NCOA7: variants seen among roughly 807,000 people sequenced by gnomAD.
NCOA7 encodes nuclear receptor coactivator 7.
NCOA7 carries 45 observed loss-of-function variants against 104.3 expected under a neutral mutation model. The ratio of observed to expected loss-of-function variants is 0.43; its 90% CI spans 0.34 to 0.55. The LOEUF is 0.55. Ranked by LOEUF, NCOA7 falls within the 20% of genes least tolerant of loss-of-function variation. NCOA7 has a pLI of 0.02. For synonymous variants in NCOA7, 398 were observed against 402.3 expected (o/e 0.99, Z 0.13); for missense variants, 1,041 against 1,119.7 (o/e 0.93, Z 1.00).
upstream of NCOA7, among the ~76,000 whole-genome samples, chr6:125,789,801 A>C (rs902288776): frequency 2.0e-5 from 3 of 152,222 alleles, no homozygotes; most frequent in Non-Finnish European, 4.4e-5. Flanking sequence ...CTGCGTCAAC[A>C]ACCCAGAGGA....
In NCOA7 at chr6:125,885,350, C is replaced by T. The variant is rs1562979684; in HGVS notation, c.884+7C>T. ...TCAAAGATGCCTTGCCATCGTAAGA[C>T]ATTTATTTGTTTACCAGGAAAAAAG... is the stretch of plus-strand genomic sequence containing the variant. On this transcript the variant is annotated splice_region_variant and intron_variant, in intron 8 of 15. Transcript: ENST00000392477. 6.2e-7 allele frequency: 1 copy of T among 1,611,306 alleles called. No homozygotes were observed. The highest frequency in any genetic ancestry group is 8.5e-7 in the Non-Finnish European group (1 of 1,177,896).
In NCOA7 at chr6:125,874,960, G is replaced by T; in HGVS notation, c.343G>T (p.Glu115Ter). ...GGTTCAGAAGCCCCATGGGACTATGGAATACACTGTGAGTATAACCAAGGT... is the reference window on the plus strand; with the variant it reads ...GGTTCAGAAGCCCCATGGGACTATGTAATACACTGTGAGTATAACCAAGGT... ...MVVQKPHGTM[E>*]YTAGNQDTLN... The change falls in exon 4 of 16, where the codon GAA (glutamate) becomes TAA (stop). Residue 115 changes from glutamate (E) to a stop codon, truncating the protein, a stop_gained. Coordinates refer to ENST00000392477, the MANE Select transcript of NCOA7 (RefSeq NM_181782.5). LOFTEE classifies it high-confidence loss of function. 1 of 1,611,816 alleles carries T rather than the reference G, an allele frequency of 6.2e-7. No individual in the cohort carries two copies. Among genetic ancestry groups the T allele is most frequent in the South Asian group, 1.1e-5 (1 of 91,028 alleles).
chr6:125,921,077 G>C lies in NCOA7; in HGVS notation c.2370+9G>C, dbSNP rs777465710. The C allele has an allele frequency of 1.9e-6, 3 of 1,610,684 alleles. No homozygotes were observed. The highest frequency in any genetic ancestry group is 1.7e-5 in the Admixed American group (1 of 59,902). Reference sequence around the variant, plus strand: ...ATATGCACATCGAGCAGGTGGGCTCGCCCTGGCCACCAAGGGTGGGGGTTC... The same window carrying C: ...ATATGCACATCGAGCAGGTGGGCTCCCCCTGGCCACCAAGGGTGGGGGTTC... On this transcript the variant is annotated intron_variant, in intron 12 of 15. Coordinates refer to ENST00000392477, the MANE Select transcript of NCOA7 (RefSeq NM_181782.5).
At position 125,921,027 on chromosome 6, in the gene NCOA7, C is replaced by T. The variant is rs141472152; in HGVS notation, c.2329C>T (p.Arg777Trp). The stretch of plus-strand genomic sequence containing the variant: ...GGACGAAGAGGTGCTGCCTGTCCTA[C>T]GGCCCCACAGCGCGCTCCTGGAGAA... ...DEDEEVLPVL[R>W]PHSALLENMH... is the part of the protein sequence containing the mutation. Residue 777 changes from arginine to tryptophan, a missense_variant, in exon 12 of 16, where the codon CGG becomes TGG. Physicochemically the swap from Arg to Trp is moderately radical, Grantham distance 101. Transcript: ENST00000392477. 1.4e-5 allele frequency: 23 copies of T among 1,613,636 alleles called. No individual in the cohort carries two copies. Among genetic ancestry groups the T allele is most frequent in the Non-Finnish European group, 1.8e-5 (21 of 1,179,800 alleles).
At chr6:125,784,641 T>A (rs1362311030) in intron 1 of NCOA7, among the ~76,000 whole-genome samples, 1 of 152,182 alleles carries the variant, frequency 6.6e-6, no homozygotes, top group Admixed American at 6.5e-5. Context: ...ACAATTGAAA[T>A]GCCCTTCAAT....
intron 4 of NCOA7, among the ~76,000 whole-genome samples, chr6:125,877,133 CTACATATAA>C (rs1783446369): frequency 6.6e-6 from 1 of 152,130 alleles, no homozygotes; most frequent in African/African-American, 2.4e-5. Flanking sequence ...ATTATACATA[CTACATATAA>C]TATATCCTAA....
intron 12 of NCOA7, 144 bp from the exon 13 acceptor site, chr6:125,922,538 T>C: frequency 1.1e-6 from 1 of 946,296 alleles, no homozygotes; most frequent in Non-Finnish European, 1.5e-6. Flanking sequence ...TGGTTTAGAA[T>C]AGCAAATATT....
At position 125,855,082 on chromosome 6, in the gene NCOA7, C is replaced by T. The variant is rs770909278; in HGVS notation, c.113C>T (p.Thr38Ile). 6.2e-7 allele frequency: 1 copy of T among 1,612,938 alleles called. No homozygotes were observed. Among genetic ancestry groups the T allele is most frequent in the Non-Finnish European group, 8.5e-7 (1 of 1,179,872 alleles). The change falls in exon 3 of 16, where the codon ACT becomes ATT. Residue 38 changes from threonine to isoleucine, a missense_variant. Thr to Ile is a moderately conservative substitution (Grantham distance 89). Transcript: ENST00000392477. ...ACAGCCTCAGCTGTAGCTACAAGGA[C>T]TCATACTGGGAAGGAAGATAATAAT... ...AETASAVATR[T>I]HTGKEDNNTV... is the part of the protein sequence containing the mutation.
At chr6:125,792,240 G>C (rs1322364368) in intron 1 of NCOA7, among the ~76,000 whole-genome samples, 2 of 152,236 alleles carry the variant, frequency 1.3e-5, no homozygotes, top group Non-Finnish European at 2.9e-5. Context: ...TTGCCTCTTT[G>C]TATAAATAGG....
In NCOA7 at chr6:125,889,910, A is replaced by G. The variant is rs1226003163; in HGVS notation, c.1856A>G (p.Gln619Arg). Residue 619 changes from glutamine (Q) to arginine (R), a missense_variant, in exon 9 of 16, where the codon CAA becomes CGA. Coordinates refer to ENST00000392477, the MANE Select transcript of NCOA7 (RefSeq NM_181782.5). ...GAATCTACTCTGGACAACAGCTGTC[A>G]AGGTGCACAAATGGATAATAAATCT... ...SLESTLDNSC[Q>R]GAQMDNKSEV... 2 of 1,594,774 alleles carry G rather than the reference A, an allele frequency of 1.3e-6. No individual in the cohort carries two copies. Among genetic ancestry groups the G allele is most frequent in the South Asian group, 2.3e-5 (2 of 87,164 alleles).
intron 5 of NCOA7, among the ~76,000 whole-genome samples, chr6:125,880,683 C>T (rs1485298715): frequency 1.3e-5 from 2 of 152,040 alleles, no homozygotes; most frequent in African/African-American, 2.4e-5. Context: ...TGCGAGCCAC[C>T]ATGCCCAGCT....
At chr6:125,878,060 G>A (rs2128643717) in intron 4 of NCOA7, among the ~76,000 whole-genome samples, 1 of 152,272 alleles carries the variant, frequency 6.6e-6, no homozygotes, top group South Asian at 2.1e-4. Context: ...TGAAAATGAG[G>A]AAGCCCAGAA....
intron 1 of NCOA7, among the ~76,000 whole-genome samples, chr6:125,791,695 A>G (rs982183256): frequency 2.0e-5 from 3 of 152,134 alleles, no homozygotes; most frequent in Admixed American, 2.0e-4. Flanking sequence ...GCTTACGTGA[A>G]GGGATGTGTT....
chr6:125,872,943 G>A (rs1486156836), intron 3 of NCOA7, among the ~76,000 whole-genome samples: 2 of 152,058 alleles, frequency 1.3e-5, no homozygotes, highest in Admixed American at 6.6e-5. Context: ...TTGAAGATAC[G>A]GATGACTAGA....
chr6:125,784,120 G>A (rs746291682), intron 1 of NCOA7, among the ~76,000 whole-genome samples: 7 of 152,156 alleles, frequency 4.6e-5, no homozygotes, highest in Non-Finnish European at 7.4e-5. Context: ...AAAAATCATG[G>A]CATCCAATTC....
chr6:125,836,132 G>A (rs540015113), intron 2 of NCOA7, among the ~76,000 whole-genome samples: 1 of 152,264 alleles, frequency 6.6e-6, no homozygotes, highest in Non-Finnish European at 1.5e-5. Flanking sequence ...TATTGTGACA[G>A]CTTTATGTAG....
At chr6:125,812,144 G>A (rs188343208) in intron 1 of NCOA7, among the ~76,000 whole-genome samples, 5 of 152,278 alleles carry the variant, frequency 3.3e-5, no homozygotes, top group East Asian at 3.9e-4. Flanking sequence ...TGGTAGGCAG[G>A]CATCAAGATT....
chr6:125,931,434 C>T lies in NCOA7; in HGVS notation c.*2663C>T, dbSNP rs990326467. 4 of 152,200 alleles carry T rather than the reference C, an allele frequency of 2.6e-5. No homozygotes were observed. The highest frequency in any genetic ancestry group is 9.7e-5 in the African/African-American group (4 of 41,446). 9.4% of individuals were successfully genotyped at this position (152,200 alleles called of 1,614,324 possible). On this transcript the variant is annotated 3_prime_UTR_variant, in exon 16 of 16. Coordinates refer to ENST00000392477, the MANE Select transcript of NCOA7 (RefSeq NM_181782.5). ...TACTTCATAATTTCCGTAAGGGACA[C>T]TTTACTCTCTGATAAATTTTCTTTG...
At chr6:125,808,931 C>G (rs1324339485) in intron 1 of NCOA7, among the ~76,000 whole-genome samples, 1 of 152,158 alleles carries the variant, frequency 6.6e-6, no homozygotes, top group Admixed American at 6.5e-5. Context: ...TTTCTCAGGT[C>G]AAATTTGAGC....
Sources: gnomAD v4.1 joint callset for allele counts (sites outside exome capture counted in the v4.1 genomes callset) on GRCh38, gnomAD v4.1.1 for gene constraint, MANE v1.5 for transcripts, NCBI Gene and HGNC (gene_info 2026-07-23, HGNC 2026-07-21) for gene names.